The following ZMIZ1 variants were observed in gnomAD, a reference collection of about 807,000 sequenced individuals.
ZMIZ1 encodes zinc finger MIZ-type containing 1.
A neutral mutation model predicts 113.9 loss-of-function variants in ZMIZ1; 17 were observed. That is an observed-to-expected ratio of 0.15 (90% CI 0.10 to 0.22). The LOEUF (loss-of-function observed/expected upper bound fraction) is 0.22, where lower values mean the gene tolerates loss of function less well. Among genes scored for constraint, ZMIZ1 ranks in the 10% least tolerant of loss-of-function variants. The probability of loss-of-function intolerance (pLI) is 1.00; values close to 1 mark genes in which losing one functional copy is unlikely to be tolerated. For missense variants in ZMIZ1, 1,059 were observed against 1,477.8 expected (o/e 0.72, Z 4.65); for synonymous variants, 607 against 603.1 (o/e 1.01, Z -0.09).
chr10:79,113,887 G>A (rs1843867006), intron 1 of ZMIZ1, among the ~76,000 whole-genome samples: 1 of 152,116 alleles, frequency 6.6e-6, no homozygotes, highest in South Asian at 2.1e-4. Context: ...TTCTTTGTGG[G>A]TCCTACAGGC....
intron 8 of ZMIZ1, among the ~76,000 whole-genome samples, chr10:79,279,121 C>T (rs938735697): frequency 6.7e-6 from 1 of 149,116 alleles, no homozygotes; most frequent in Non-Finnish European, 1.5e-5. Flanking sequence ...CCCCACCTCC[C>T]GGACGGGGCG....
At chr10:79,275,300 G>A (rs1417233536) in intron 7 of ZMIZ1, among the ~76,000 whole-genome samples, 1 of 152,222 alleles carries the variant, frequency 6.6e-6, no homozygotes, top group Non-Finnish European at 1.5e-5. Context: ...CCTTTTGAGG[G>A]TGGTGGCAAG....
intron 1 of ZMIZ1, among the ~76,000 whole-genome samples, chr10:79,091,335 A>G (rs1220593237): frequency 6.6e-6 from 1 of 152,226 alleles, no homozygotes; most frequent in Non-Finnish European, 1.5e-5. Flanking sequence ...CTGCAAAGCC[A>G]GAGCCTTGTC....
At chr10:79,130,904 G>A (rs1172636715) in intron 2 of ZMIZ1, among the ~76,000 whole-genome samples, 3 of 152,106 alleles carry the variant, frequency 2.0e-5, no homozygotes, top group Non-Finnish European at 2.9e-5. Context: ...TCCAAATGGG[G>A]CCCTCCCAGT....
chr10:79,182,841 G>A (rs773781919), intron 4 of ZMIZ1, among the ~76,000 whole-genome samples: 25 of 152,244 alleles, frequency 1.6e-4, no homozygotes, highest in African/African-American at 5.3e-4. Flanking sequence ...AGTGCTGTCC[G>A]TGGTGTGTGC....
At chr10:79,200,580 G>A (rs544124930) in intron 4 of ZMIZ1, among the ~76,000 whole-genome samples, 13 of 152,292 alleles carry the variant, frequency 8.5e-5, no homozygotes, top group East Asian at 5.8e-4. Flanking sequence ...TGGAAACCGC[G>A]GGCTGGCAGT....
intron 3 of ZMIZ1, among the ~76,000 whole-genome samples, chr10:79,154,708 G>T (rs1845835826): frequency 6.6e-6 from 1 of 152,230 alleles, no homozygotes; most frequent in African/African-American, 2.4e-5. Flanking sequence ...GGCTGCTTCT[G>T]TGGAAGAGGA....
intron 3 of ZMIZ1, among the ~76,000 whole-genome samples, chr10:79,149,157 C>T (rs752090763): frequency 2.0e-5 from 3 of 152,212 alleles, no homozygotes; most frequent in Non-Finnish European, 2.9e-5. Context: ...CTGTCCCTAT[C>T]TCTGTCCCTG....
intron 7 of ZMIZ1, among the ~76,000 whole-genome samples, chr10:79,256,461 C>T (rs945138341): frequency 6.6e-6 from 1 of 152,236 alleles, no homozygotes; most frequent in Non-Finnish European, 1.5e-5. Flanking sequence ...AGTGTGTGCC[C>T]TGCATCCTTC....
intron 8 of ZMIZ1, among the ~76,000 whole-genome samples, chr10:79,280,083 G>A (rs1305241362): frequency 6.6e-6 from 1 of 151,922 alleles, no homozygotes; most frequent in East Asian, 1.9e-4. Context: ...CCGCCCCTGG[G>A]CTCAAGTGAT....
At chr10:79,119,933 A>G (rs184015624) in intron 2 of ZMIZ1, among the ~76,000 whole-genome samples, 1 of 146,686 alleles carries the variant, frequency 6.8e-6, no homozygotes, top group Non-Finnish European at 1.5e-5. Context: ...TGGATTAGGT[A>G]CCAACTGCGG....
Position 79,311,160 on chromosome 10 carries a change from C to T in ZMIZ1, c.3072C>T (p.Ser1024=), listed in dbSNP as rs778241992. Residue 1024 remains serine (S), a synonymous_variant, in exon 24 of 25, where the codon TCC becomes TCT. Coordinates refer to ENST00000334512, the MANE Select transcript of ZMIZ1 (RefSeq NM_020338.4). ...LEGQAGAQGA[S]DMPEPSLDLL... Reference sequence around the variant, plus strand: ...GTCAGGCCGGAGCGCAGGGAGCGTCCGACATGCCGGAGCCTTCGCTGGATG... The same window carrying T: ...GTCAGGCCGGAGCGCAGGGAGCGTCTGACATGCCGGAGCCTTCGCTGGATG... The T allele has an allele frequency of 3.1e-6, 5 of 1,612,946 alleles. No homozygotes were observed. In the Admixed American group the frequency reaches 5.0e-5, roughly 16 times the overall value.
chr10:79,277,070 G>T, intron 7 of ZMIZ1, 111 bp from the exon 8 acceptor site: 1 of 1,356,028 alleles, frequency 7.4e-7, no homozygotes. Context: ...ACACGAATCT[G>T]GGAGCAAAAC....
At chr10:79,087,443 T>C (rs956540172) in intron 1 of ZMIZ1, among the ~76,000 whole-genome samples, 1 of 152,194 alleles carries the variant, frequency 6.6e-6, no homozygotes, top group Non-Finnish European at 1.5e-5. Flanking sequence ...GCATGGCTTA[T>C]GGGAGTATGT....
At chr10:79,142,017 C>T (rs961406872) in intron 3 of ZMIZ1, among the ~76,000 whole-genome samples, 1 of 152,168 alleles carries the variant, frequency 6.6e-6, no homozygotes, top group Non-Finnish European at 1.5e-5. Flanking sequence ...ACCCAGCAGG[C>T]AGGCTCGCTA....
intron 7 of ZMIZ1, among the ~76,000 whole-genome samples, chr10:79,218,538 C>T (rs56987114): frequency 2.6e-5 from 4 of 151,660 alleles, no homozygotes; most frequent in Admixed American, 2.6e-4. Context: ...TACTTCTTGA[C>T]CCCTAGTCTA....
chr10:79,239,671 TC>T (rs1158246717), intron 7 of ZMIZ1, among the ~76,000 whole-genome samples: 1 of 152,074 alleles, frequency 6.6e-6, no homozygotes, highest in African/African-American at 2.4e-5. Context: ...GCTAGTGGCC[TC>T]TCAGCCCCCA....
chr10:79,292,480 G>A, intron 11 of ZMIZ1, 124 bp downstream of exon 11: 1 of 1,277,624 alleles, frequency 7.8e-7, no homozygotes, highest in Non-Finnish European at 1.1e-6. Flanking sequence ...GACTGCATTA[G>A]GGTGCATTTG....
At chr10:79,175,870 G>C (rs1846837676) in intron 4 of ZMIZ1, among the ~76,000 whole-genome samples, 1 of 152,066 alleles carries the variant, frequency 6.6e-6, no homozygotes, top group Admixed American at 6.5e-5. Flanking sequence ...GCCGGTGTGA[G>C]CCTGGCCATC....
Sources: gnomAD v4.1 joint callset for allele counts (sites outside exome capture counted in the v4.1 genomes callset) on GRCh38, gnomAD v4.1.1 for gene constraint, MANE v1.5 for transcripts, NCBI Gene and HGNC (gene_info 2026-07-23, HGNC 2026-07-21) for gene names.